TRPM7: variants seen among roughly 807,000 people sequenced by gnomAD.
TRPM7 encodes LTRPC ion channel family member 7.
A neutral mutation model predicts 229.7 loss-of-function variants in TRPM7; 134 were observed. The observed-to-expected ratio is 0.58, with a 90% CI of 0.51 to 0.67. The LOEUF is 0.67. TRPM7 is among the 30% of genes least tolerant of loss of function. The pLI is 0.00. For synonymous variants in TRPM7, 699 were observed against 715.2 expected (o/e 0.98, Z 0.36); for missense variants, 1,901 against 2,210.0 (o/e 0.86, Z 2.80).
chr15:50,588,235 C>T (rs2059393390), intron 27 of TRPM7: 9 of 984,768 alleles, frequency 9.1e-6, no homozygotes, highest in Non-Finnish European at 1.1e-5. Context: ...ACATTTCTTA[C>T]ATCATTCTGC....
intron 36 of TRPM7, among the ~76,000 whole-genome samples, chr15:50,570,605 G>C (rs1302370665): frequency 2.0e-5 from 3 of 151,346 alleles, no homozygotes; most frequent in Non-Finnish European, 4.4e-5. Context: ...CACTTTGGGC[G>C]GCCAAGGCGG....
intron 27 of TRPM7, among the ~76,000 whole-genome samples, chr15:50,588,517 C>T (rs1230542941): frequency 6.6e-6 from 1 of 152,068 alleles, no homozygotes; most frequent in African/African-American, 2.4e-5. Flanking sequence ...AGTAATATGG[C>T]CTGACAGCAA....
At chr15:50,601,209 T>A (rs912324126) in intron 21 of TRPM7, among the ~76,000 whole-genome samples, 3 of 152,246 alleles carry the variant, frequency 2.0e-5, no homozygotes, top group African/African-American at 7.2e-5. Flanking sequence ...AGGTCTATGG[T>A]TGATGATTCA....
At position 50,574,732 on chromosome 15, in the gene TRPM7, G is replaced by A; in HGVS notation, c.5020-13C>T. On this transcript the variant is annotated splice_polypyrimidine_tract_variant and intron_variant, in intron 34 of 38. Transcript: ENST00000646667. Reference sequence around the variant, plus strand: ...GTTGTTGAATTTCCTATAAAAGGGAGGGTGGGGAGAACCCTTGTTTAATAT... The same window carrying A: ...GTTGTTGAATTTCCTATAAAAGGGAAGGTGGGGAGAACCCTTGTTTAATAT... 1 of 1,608,910 alleles carries A rather than the reference G, an allele frequency of 6.2e-7. No individual in the cohort carries two copies. Among genetic ancestry groups the A allele is most frequent in the Non-Finnish European group, 8.5e-7 (1 of 1,177,802 alleles).
At chr15:50,627,303 T>C (rs1203950678) in intron 11 of TRPM7, among the ~76,000 whole-genome samples, 1 of 152,018 alleles carries the variant, frequency 6.6e-6, no homozygotes, top group East Asian at 1.9e-4. Flanking sequence ...GGAAGAATGC[T>C]GGTTTAGGGG....
chr15:50,639,328 T>C (rs1284495488), intron 6 of TRPM7, 96 bp downstream of exon 6: 25 of 1,101,326 alleles, frequency 2.3e-5, no homozygotes, highest in East Asian at 3.0e-5. Flanking sequence ...TTGAAAAGTA[T>C]AATATAATCA....
At chr15:50,562,514 A>C (rs1283553375) in intron 38 of TRPM7, among the ~76,000 whole-genome samples, 1 of 152,166 alleles carries the variant, frequency 6.6e-6, no homozygotes, top group Non-Finnish European at 1.5e-5. Context: ...TCATGCCTGT[A>C]ATCTCAGCAC....
At chr15:50,666,371 C>T (rs1208988573) in intron 1 of TRPM7, among the ~76,000 whole-genome samples, 1 of 151,766 alleles carries the variant, frequency 6.6e-6, no homozygotes, top group East Asian at 1.9e-4. Context: ...ACCCAGGGAG[C>T]TCGAGGCTGC....
intron 17 of TRPM7, among the ~76,000 whole-genome samples, chr15:50,610,735 TATTAA>T (rs1333769846): frequency 6.6e-6 from 1 of 152,134 alleles, no homozygotes; most frequent in Admixed American, 6.5e-5. Flanking sequence ...AGTAACAGAT[TATTAA>T]ATTAGTAGAT....
At chr15:50,619,523 T>C (rs1452183659) in intron 13 of TRPM7, among the ~76,000 whole-genome samples, 1 of 152,092 alleles carries the variant, frequency 6.6e-6, no homozygotes, top group African/African-American at 2.4e-5. Context: ...ATGCCCAGCC[T>C]TGGTCTTAAT....
chr15:50,589,962 AT>A (rs2059445641), intron 26 of TRPM7, among the ~76,000 whole-genome samples: 1 of 152,118 alleles, frequency 6.6e-6, no homozygotes, highest in Admixed American at 6.5e-5. Flanking sequence ...GGTTCAAGCA[AT>A]TCTCCTGCCT....
At chr15:50,610,392 A>G (rs544456268) in intron 17 of TRPM7, among the ~76,000 whole-genome samples, 4 of 152,242 alleles carry the variant, frequency 2.6e-5, no homozygotes, top group South Asian at 4.1e-4. Flanking sequence ...GTGCCTCTAT[A>G]AACAAAAAGG....
intron 21 of TRPM7, among the ~76,000 whole-genome samples, chr15:50,602,621 T>A (rs528103415): frequency 1.3e-5 from 2 of 152,354 alleles, no homozygotes; most frequent in East Asian, 1.9e-4. Flanking sequence ...TCTGTTCACA[T>A]GTCTATATTT....
At chr15:50,676,909 G>A (rs1175919664) in intron 1 of TRPM7, among the ~76,000 whole-genome samples, 3 of 152,106 alleles carry the variant, frequency 2.0e-5, no homozygotes, top group Non-Finnish European at 2.9e-5. Flanking sequence ...CATGAAGATC[G>A]TACACATGGG....
Position 50,613,854 on chromosome 15 carries a change from T to A in TRPM7, c.1636-13A>T, listed in dbSNP as rs749816090. The A allele has an allele frequency of 2.5e-6, 4 of 1,602,962 alleles. No individual in the cohort carries two copies. Among genetic ancestry groups the A allele is most frequent in the East Asian group, 2.2e-5 (1 of 44,826 alleles). Reference sequence around the variant, plus strand: ...TTCGGCCAGACCTCTGAAAATGAGATCTTATTAGCTTTTATAGATTTAAAC... The same window carrying A: ...TTCGGCCAGACCTCTGAAAATGAGAACTTATTAGCTTTTATAGATTTAAAC... On this transcript the variant is annotated splice_polypyrimidine_tract_variant and intron_variant, in intron 14 of 38. Transcript: ENST00000646667.
intron 1 of TRPM7, among the ~76,000 whole-genome samples, chr15:50,685,405 G>A (rs2062335188): frequency 1.3e-5 from 2 of 152,174 alleles, no homozygotes; most frequent in South Asian, 2.1e-4. Flanking sequence ...TGCAGTGAGC[G>A]GAGATCGCGC....
chr15:50,630,783 C>T (rs1310683821), intron 10 of TRPM7, among the ~76,000 whole-genome samples: 1 of 152,066 alleles, frequency 6.6e-6, no homozygotes, highest in Non-Finnish European at 1.5e-5. Flanking sequence ...GCAATCCTCC[C>T]GCCTCAGCCT....
At chr15:50,561,846 AAAGAG>A (rs763515736) in intron 38 of TRPM7, 38 bp from the exon 39 acceptor site, 14 of 1,472,814 alleles carry the variant, frequency 9.5e-6, no homozygotes, top group Non-Finnish European at 1.3e-5. Context: ...AAAAAAAAAG[AAAGAG>A]AAAAGAAAAA....
chr15:50,603,154 A>AG (rs1217812117), intron 21 of TRPM7, among the ~76,000 whole-genome samples: 2 of 152,116 alleles, frequency 1.3e-5, no homozygotes, highest in East Asian at 1.9e-4. Flanking sequence ...TTCTCAATTA[A>AG]GGGGGGGAAG....
Sources: allele counts gnomAD v4.1 joint callset (sites outside exome capture counted in the v4.1 genomes callset), GRCh38; gene constraint gnomAD v4.1.1; transcripts MANE v1.5; gene names NCBI Gene and HGNC (gene_info 2026-07-23, HGNC 2026-07-21).